The following DOCK1 variants were observed in gnomAD, a reference collection of about 807,000 sequenced individuals.
DOCK1 encodes dedicator of cytokinesis 1, also known as dedicator of cytokinesis protein 1.
A neutral mutation model predicts 262.7 loss-of-function variants in DOCK1; 138 were observed. That is an observed-to-expected ratio of 0.53 (90% CI 0.46 to 0.61). DOCK1 has a LOEUF of 0.61. Among genes scored for constraint, DOCK1 ranks in the 20% least tolerant of loss-of-function variants. The probability of loss-of-function intolerance (pLI) is 0.00; values close to 1 mark genes in which losing one functional copy is unlikely to be tolerated. For missense variants in DOCK1, 1,908 were observed against 2,370.7 expected (o/e 0.80, Z 4.05); for synonymous variants, 866 against 867.4 (o/e 1.00, Z 0.03).
intron 29 of DOCK1, among the ~76,000 whole-genome samples, chr10:127,260,892 T>C (rs2060026301): frequency 7.9e-6 from 1 of 126,624 alleles, no homozygotes; most frequent in Admixed American, 8.2e-5. Context: ...TGTGTACCCG[T>C]GCTCATCTGT....
intron 38 of DOCK1, among the ~76,000 whole-genome samples, chr10:127,389,050 C>G (rs771732497): frequency 6.6e-5 from 10 of 152,210 alleles, no homozygotes; most frequent in Non-Finnish European, 1.5e-4. Context: ...CCTCAATCCT[C>G]GTTTCTCTGT....
At chr10:127,096,056 T>G (rs767036405) in intron 23 of DOCK1, among the ~76,000 whole-genome samples, 2 of 152,090 alleles carry the variant, frequency 1.3e-5, no homozygotes, top group Non-Finnish European at 2.9e-5. Context: ...CAAAGAGAAT[T>G]GATTACAAAA....
At chr10:127,085,124 G>A (rs1055781363) in intron 23 of DOCK1, among the ~76,000 whole-genome samples, 3 of 152,212 alleles carry the variant, frequency 2.0e-5, no homozygotes, top group African/African-American at 4.8e-5. Context: ...AGAAAGGGAG[G>A]TTAAGAATCC....
At chr10:127,220,007 C>T (rs1251943187) in intron 27 of DOCK1, among the ~76,000 whole-genome samples, 2 of 152,152 alleles carry the variant, frequency 1.3e-5, no homozygotes, top group African/African-American at 4.8e-5. Context: ...TTTCTGTATC[C>T]TCCATCCTTC....
chr10:127,203,455 A>G (rs1240209383), intron 27 of DOCK1, among the ~76,000 whole-genome samples: 1 of 152,150 alleles, frequency 6.6e-6, no homozygotes, highest in African/African-American at 2.4e-5. Context: ...CTGACTTTAG[A>G]TGTATTTATT....
chr10:127,384,855 A>C lies in DOCK1; in HGVS notation c.3873A>C (p.Gly1291=), dbSNP rs745609371. 1 of 1,609,564 alleles carries C rather than the reference A, an allele frequency of 6.2e-7. No homozygotes were observed. The highest frequency in any genetic ancestry group is 1.7e-5 in the Admixed American group (1 of 58,526). Reference sequence around the variant, plus strand: ...ACGGGTACCAGGCCACCACGCAGGGACAGCTGAAGGAGCAGCTCTACCAGG... The same window carrying C: ...ACGGGTACCAGGCCACCACGCAGGGCCAGCTGAAGGAGCAGCTCTACCAGG... ...QRDGYQATTQ[G]QLKEQLYQEI... Residue 1291 remains glycine, a synonymous_variant, in exon 38 of 52, where the codon GGA becomes GGC. Coordinates refer to ENST00000623213, the MANE Select transcript of DOCK1 (RefSeq NM_001290223.2).
intron 50 of DOCK1, among the ~76,000 whole-genome samples, chr10:127,445,504 A>G (rs1457171328): frequency 2.0e-5 from 3 of 152,186 alleles, no homozygotes; most frequent in African/African-American, 7.2e-5. Flanking sequence ...ACATCCTTGC[A>G]CTATTACTAC....
intron 21 of DOCK1, among the ~76,000 whole-genome samples, chr10:127,050,203 G>A (rs529551269): frequency 2.6e-5 from 4 of 151,262 alleles, no homozygotes; most frequent in East Asian, 3.9e-4. Context: ...GGAATTCCTG[G>A]TGTCAAAGGA....
intron 29 of DOCK1, among the ~76,000 whole-genome samples, chr10:127,320,473 A>G (rs1015375441): frequency 3.9e-5 from 6 of 152,126 alleles, no homozygotes; most frequent in African/African-American, 1.2e-4. Flanking sequence ...TATAGCATCC[A>G]ATCAGACACC....
intron 38 of DOCK1, among the ~76,000 whole-genome samples, chr10:127,392,367 G>A (rs767210061): frequency 6.6e-6 from 1 of 152,128 alleles, no homozygotes; most frequent in Admixed American, 6.5e-5. Flanking sequence ...GAGAGCAGAG[G>A]CAGTGGCTGT....
chr10:126,988,954 T>G (rs2039603470), intron 5 of DOCK1, among the ~76,000 whole-genome samples: 1 of 151,700 alleles, frequency 6.6e-6, no homozygotes, highest in Non-Finnish European at 1.5e-5. Flanking sequence ...ATGCCTGTAG[T>G]CCCAGCTACT....
chr10:127,429,738 C>T (rs1044663623), intron 47 of DOCK1, among the ~76,000 whole-genome samples: 7 of 151,850 alleles, frequency 4.6e-5, no homozygotes, highest in African/African-American at 9.7e-5. Flanking sequence ...CTTTAGGGAG[C>T]GAGGTGTGCA....
intron 30 of DOCK1, among the ~76,000 whole-genome samples, chr10:127,339,371 C>T (rs543329424): frequency 3.3e-5 from 5 of 152,240 alleles, no homozygotes; most frequent in East Asian, 3.9e-4. Context: ...CACCAAGTCC[C>T]GGTGTGTGTA....
chr10:127,024,790 T>TGG lies in DOCK1; in HGVS notation c.1551+7_1551+8insGG. 2 of 1,592,510 alleles carry TGG rather than the reference T, an allele frequency of 1.3e-6. No individual in the cohort carries two copies. Among genetic ancestry groups the TGG allele is most frequent in the East Asian group, 4.5e-5 (2 of 44,444 alleles). ...CTGGTTTGAGACTGTTAAGGTATTA[T>TGG]TTACATGGTCATTTTATCACATGGC... is the stretch of plus-strand genomic sequence containing the variant. On this transcript the variant is annotated splice_region_variant and intron_variant, in intron 15 of 51. Transcript: ENST00000623213.
intron 27 of DOCK1, among the ~76,000 whole-genome samples, chr10:127,156,575 T>C (rs2053097079): frequency 7.1e-6 from 1 of 141,628 alleles, no homozygotes; most frequent in Non-Finnish European, 1.5e-5. Flanking sequence ...TTTTTTTTTT[T>C]TTTTTTTTTG....
rs575989485 is a variant in DOCK1, at chr10:127,217,226, T to C, written c.2848-30782T>C. Among the ~76,000 whole-genome samples, 3 of 152,344 alleles carry C rather than the reference T, an allele frequency of 2.0e-5. No homozygotes were observed. In the South Asian group the frequency reaches 6.2e-4, roughly 32 times the overall value. ...CTTTACCTGGGGTTAGTTTTTGGTTTCCTGCTTTAACAGATGAAAACAGGT... is the reference window on the plus strand; with the variant it reads ...CTTTACCTGGGGTTAGTTTTTGGTTCCCTGCTTTAACAGATGAAAACAGGT... On this transcript the variant is annotated intron_variant, in intron 27 of 51. Coordinates refer to ENST00000623213, the MANE Select transcript of DOCK1 (RefSeq NM_001290223.2).
chr10:127,376,748 T>C (rs2065515885), intron 35 of DOCK1, among the ~76,000 whole-genome samples: 1 of 152,240 alleles, frequency 6.6e-6, no homozygotes, highest in African/African-American at 2.4e-5. Flanking sequence ...GGAAGAATTA[T>C]CAATAAGTTT....
At chr10:127,335,479 CTAATA>C (rs1172795138) in intron 29 of DOCK1, among the ~76,000 whole-genome samples, 2 of 152,106 alleles carry the variant, frequency 1.3e-5, no homozygotes, top group African/African-American at 4.8e-5. Context: ...GCAAAAGCTT[CTAATA>C]TGATTTTCTT....
At chr10:127,118,734 T>C in intron 25 of DOCK1, among the ~76,000 whole-genome samples, 1 of 152,214 alleles carries the variant, frequency 6.6e-6, no homozygotes, top group Admixed American at 6.5e-5. Flanking sequence ...CTCTGCCCAG[T>C]GGCCCTGTTC....
Sources: allele counts gnomAD v4.1 joint callset (sites outside exome capture counted in the v4.1 genomes callset), GRCh38; gene constraint gnomAD v4.1.1; transcripts MANE v1.5; gene names NCBI Gene and HGNC (gene_info 2026-07-23, HGNC 2026-07-21).